POGZ: variants seen among roughly 807,000 people sequenced by gnomAD.
POGZ encodes the protein pogo transposable element derived with ZNF domain.
A neutral mutation model predicts 134.6 loss-of-function variants in POGZ; 17 were observed. That is an observed-to-expected ratio of 0.13 (90% CI 0.09 to 0.19). POGZ has a LOEUF of 0.19. POGZ is among the 10% of genes least tolerant of loss of function. The pLI, the probability that POGZ is intolerant of heterozygous loss-of-function variation, is 1.00. For synonymous variants in POGZ, 693 were observed against 657.1 expected, an observed-to-expected ratio of 1.05 and a Z score of -0.84; for missense variants, 1,306 against 1,769.7, an observed-to-expected ratio of 0.74 and a Z score of 4.70.
In POGZ at chr1:151,415,165, A is replaced by G. The variant is rs183730999; in HGVS notation, c.1679-2769T>C. ...TTGTCAATTTGTTTTCCCTGTCTTC[A>G]ATCTTCCCCAACCCCGACAGGCTCC... On this transcript the variant is annotated intron_variant, in intron 10 of 18. Transcript: ENST00000271715. 3.5e-3 allele frequency among the ~76,000 whole-genome samples: 526 copies of G among 152,212 alleles called. 5 individuals are homozygous for G. Among genetic ancestry groups the G allele is most frequent in the African/African-American group, 0.012 (504 of 41,544 alleles).
intron 3 of POGZ, among the ~76,000 whole-genome samples, chr1:151,434,503 G>T (rs1271927164): frequency 6.6e-6 from 1 of 152,074 alleles, no homozygotes; most frequent in Admixed American, 6.6e-5. Context: ...GAAAACCTAA[G>T]AAACAAATGA....
At chr1:151,425,160 T>C in intron 7 of POGZ, 99 bp from the exon 8 acceptor site, 1 of 676,076 alleles carries the variant, frequency 1.5e-6, no homozygotes, top group South Asian at 1.6e-5. Context: ...GAGAAGTATA[T>C]AAAAGGGTAA....
Position 151,424,552 on chromosome 1 carries a change from G to A in POGZ, c.1186-266C>T, listed in dbSNP as rs1456273511. 2.6e-5 allele frequency: 9 copies of A among 348,774 alleles called. No individual in the cohort carries two copies. In the East Asian group the frequency reaches 4.1e-4, roughly 16 times the overall value. 21.6% of individuals were successfully genotyped at this position (348,774 alleles called of 1,614,324 possible). A position where few individuals can be genotyped will look rare whatever the true frequency, so the allele number is the denominator to read the frequency against. Reference sequence around the variant, plus strand: ...AGTATAACTTGGCTCTGAGCTCCCTGGCAAAGAAGAAGTTCCAACCTTTTT... The same window carrying A: ...AGTATAACTTGGCTCTGAGCTCCCTAGCAAAGAAGAAGTTCCAACCTTTTT... On this transcript the variant is annotated intron_variant, in intron 8 of 18. Coordinates refer to ENST00000271715, the MANE Select transcript of POGZ (RefSeq NM_015100.4).
intron 3 of POGZ, among the ~76,000 whole-genome samples, chr1:151,438,284 G>A (rs1659957839): frequency 6.6e-6 from 1 of 151,742 alleles, no homozygotes; most frequent in Admixed American, 6.6e-5. Flanking sequence ...TTTTTATATA[G>A]ATATATAAAG....
intron 3 of POGZ, among the ~76,000 whole-genome samples, chr1:151,438,553 G>A (rs920423622): frequency 2.6e-5 from 4 of 152,066 alleles, no homozygotes; most frequent in African/African-American, 7.2e-5. Flanking sequence ...AGGAGTCAAG[G>A]AGACTAGGTC....
chr1:151,408,871 G>A, intron 12 of POGZ, 43 bp from the exon 13 acceptor site: 2 of 1,577,136 alleles, frequency 1.3e-6, no homozygotes, highest in Non-Finnish European at 1.7e-6. Context: ...TCCCTTAAAG[G>A]TTCCTAATAA....
In POGZ at chr1:151,408,084, T is replaced by A. The variant is rs1273659774; in HGVS notation, c.2375+16A>T. 1.9e-6 allele frequency: 3 copies of A among 1,578,390 alleles called. No individual in the cohort carries two copies. The highest frequency in any genetic ancestry group is 1.1e-5 in the South Asian group (1 of 87,158). ...CTGAACTCTCAAGCTAAAACACTGG[T>A]TAAAAACCAACTTACTTGATCATGT... On this transcript the variant is annotated intron_variant, in intron 15 of 18. Transcript: ENST00000271715.
intron 8 of POGZ, 38 bp from the exon 9 acceptor site, chr1:151,424,324 G>C: frequency 7.5e-7 from 1 of 1,328,432 alleles, no homozygotes; most frequent in Non-Finnish European, 1.0e-6. Context: ...GGTTATCCTG[G>C]GGGCTAGAAT....
chr1:151,440,859 T>A, intron 3 of POGZ, 69 bp downstream of exon 3: 1 of 1,343,770 alleles, frequency 7.4e-7, no homozygotes, highest in Non-Finnish European at 1.1e-6. Flanking sequence ...GGTAGGGCTG[T>A]CCCTGAGACC....
intron 1 of POGZ, among the ~76,000 whole-genome samples, chr1:151,451,568 C>T (rs1452712382): frequency 1.3e-5 from 2 of 151,536 alleles, no homozygotes; most frequent in African/African-American, 2.4e-5. Flanking sequence ...TCAGGTGATC[C>T]ACCCGCCTCA....
At chr1:151,415,788 CA>C in intron 10 of POGZ, among the ~76,000 whole-genome samples, 1 of 151,624 alleles carries the variant, frequency 6.6e-6, no homozygotes, top group Non-Finnish European at 1.5e-5. Flanking sequence ...CTCACACTAA[CA>C]AAAGCTATGC....
intron 12 of POGZ, among the ~76,000 whole-genome samples, chr1:151,409,319 T>C (rs781194282): frequency 9.2e-5 from 14 of 152,182 alleles, no homozygotes; most frequent in Admixed American, 5.2e-4. Context: ...TATGCTTTCG[T>C]GGGCAGTCTA....
chr1:151,423,336 G>T, intron 10 of POGZ, 61 bp downstream of exon 10: 1 of 1,390,908 alleles, frequency 7.2e-7, no homozygotes, highest in Non-Finnish European at 1.0e-6. Flanking sequence ...TCCCCCCAGC[G>T]CCATTCAATG....
rs1434728963 is a variant in POGZ, at chr1:151,459,350, G to A, written c.-200C>T. 1 of 149,562 alleles carries A rather than the reference G, an allele frequency of 6.7e-6. No homozygotes were observed. Among genetic ancestry groups the A allele is most frequent in the Non-Finnish European group, 1.5e-5 (1 of 67,582 alleles). The allele number at this position is 149,562 out of a possible 1,614,324, so 9.3% of individuals were successfully genotyped here. ...CTCCCTCGGGTTCGAGTGATTCGGG[G>A]TGGATTTTTTTCCCGAGGGGGGCGG... On this transcript the variant is annotated 5_prime_UTR_variant, in exon 1 of 19. Transcript: ENST00000271715.
At chr1:151,419,278 C>A (rs751774682) in intron 10 of POGZ, among the ~76,000 whole-genome samples, 3 of 151,876 alleles carry the variant, frequency 2.0e-5, no homozygotes, top group Non-Finnish European at 4.4e-5. Context: ...ACAATAATTG[C>A]TTGAACCTAG....
chr1:151,409,523 G>T (rs1654296903), intron 12 of POGZ, among the ~76,000 whole-genome samples: 1 of 152,148 alleles, frequency 6.6e-6, no homozygotes, highest in African/African-American at 2.4e-5. Context: ...TTTTTGTAGA[G>T]ACGGGGTGTC....
intron 7 of POGZ, 51 bp downstream of exon 7, chr1:151,427,772 T>C (rs1478451070): frequency 8.6e-7 from 1 of 1,167,576 alleles, no homozygotes; most frequent in Admixed American, 1.8e-5. Context: ...ACAAACACTT[T>C]ATTAATGTTT....
Position 151,406,415 on chromosome 1 carries a change from A to G in POGZ, c.2620T>C (p.Tyr874His). The G allele has an allele frequency of 6.4e-7, 1 of 1,562,628 alleles. No homozygotes were observed. Among genetic ancestry groups the G allele is most frequent in the Non-Finnish European group, 8.6e-7 (1 of 1,156,430 alleles). ...TTAGTGGGGAAGGAAGGAGGAGGGT[A>G]CATATTCTTCACGTTCCGGTCATGC... ...RVHDRNVKNM[Y>H]PPPSFPTNKA... Residue 874 changes from tyrosine to histidine, a missense_variant, in exon 19 of 19, where the codon TAC (tyrosine) becomes CAC (histidine). Tyr to His is a moderately conservative substitution (Grantham distance 83). This residue lies in a region of POGZ where 214 missense variants were observed against 255.5 expected (regional missense o/e 0.84). Transcript: ENST00000271715.
chr1:151,405,759 G>C lies in POGZ; in HGVS notation c.3276C>G (p.Thr1092=), dbSNP rs1195772107. Residue 1092 remains threonine, a synonymous_variant, in exon 19 of 19, where the codon ACC becomes ACG. Coordinates refer to ENST00000271715, the MANE Select transcript of POGZ (RefSeq NM_015100.4). The surrounding 1 kb of genome is among the most constrained non-coding windows in gnomAD (Gnocchi z 4.9). The part of the protein sequence containing the change: ...TPHARRAVAH[T]LPKDVAENAG... ...CATTCTCTGCTACATCCTTAGGTAG[G>C]GTGTGGGCCACAGCTCGCCGGGCAT... 6 of 1,614,182 alleles carry C rather than the reference G, an allele frequency of 3.7e-6. No homozygotes were observed. Among genetic ancestry groups the C allele is most frequent in the Non-Finnish European group, 5.1e-6 (6 of 1,180,030 alleles).
Sources: allele counts gnomAD v4.1 joint callset (sites outside exome capture counted in the v4.1 genomes callset), GRCh38; gene constraint gnomAD v4.1.1; regional missense constraint gnomAD v4.1.1; non-coding constraint Gnocchi (gnomAD v3.1); transcripts MANE v1.5; gene names NCBI Gene and HGNC (gene_info 2026-07-23, HGNC 2026-07-21).